CDH8: variants seen among roughly 807,000 people sequenced by gnomAD.
CDH8 encodes the protein cadherin-8.
CDH8 carries 17 observed loss-of-function variants against 68.1 expected under a neutral mutation model. That is an observed-to-expected ratio of 0.25 (90% CI 0.17 to 0.37). The LOEUF is 0.37. Ranked by LOEUF, CDH8 falls within the 10% of genes least tolerant of loss-of-function variation. The pLI is 1.00. For synonymous variants in CDH8, 372 were observed against 365.1 expected (o/e 1.02, Z -0.21); for missense variants, 763 against 999.3 (o/e 0.76, Z 3.19).
intron 8 of CDH8, among the ~76,000 whole-genome samples, chr16:61,750,127 T>C (rs1242191263): frequency 6.6e-6 from 1 of 152,110 alleles, no homozygotes. Flanking sequence ...GTGTAATCAA[T>C]GTTTACCTGC....
chr16:61,922,749 T>C (rs192770241), intron 2 of CDH8, among the ~76,000 whole-genome samples: 9 of 152,328 alleles, frequency 5.9e-5, no homozygotes, highest in Admixed American at 4.6e-4. Context: ...CTGTCAAATG[T>C]AGATTCATTC....
intron 2 of CDH8, among the ~76,000 whole-genome samples, chr16:61,917,775 T>A (rs1458720007): frequency 6.6e-6 from 1 of 152,124 alleles, no homozygotes; most frequent in Non-Finnish European, 1.5e-5. Context: ...TGAACAATTC[T>A]GGCAAGAAGT....
chr16:61,932,324 G>C (rs1173044217), intron 2 of CDH8, among the ~76,000 whole-genome samples: 1 of 151,684 alleles, frequency 6.6e-6, no homozygotes, highest in East Asian at 1.9e-4. Context: ...TAAAACAAAA[G>C]ATGAAGCATT....
At chr16:61,774,949 G>A (rs1210958833) in intron 8 of CDH8, among the ~76,000 whole-genome samples, 1 of 152,132 alleles carries the variant, frequency 6.6e-6, no homozygotes, top group East Asian at 1.9e-4. Context: ...ACAGTAGCTT[G>A]TATGCAGCAG....
In CDH8 at chr16:61,719,606, C is replaced by A. The variant is rs534888940; in HGVS notation, c.1537-5648G>T. Among the ~76,000 whole-genome samples, 4 of 151,064 alleles carry A rather than the reference C, an allele frequency of 2.6e-5. No individual in the cohort carries two copies. In the East Asian group the frequency reaches 7.8e-4, roughly 29 times the overall value. On this transcript the variant is annotated intron_variant, in intron 9 of 11. Transcript: ENST00000577390. ...TCATTTTCATTAGTAGGATAAAATT[C>A]ACAGTTTTCCACATAGCTTAGAAGA...
intron 8 of CDH8, among the ~76,000 whole-genome samples, chr16:61,753,550 A>G (rs577746817): frequency 6.6e-6 from 1 of 152,256 alleles, no homozygotes; most frequent in African/African-American, 2.4e-5. Context: ...GATACTTGAC[A>G]TTTCTAATAG....
At chr16:61,750,058 CT>C (rs984659862) in intron 8 of CDH8, among the ~76,000 whole-genome samples, 5 of 152,056 alleles carry the variant, frequency 3.3e-5, no homozygotes, top group African/African-American at 9.7e-5. Flanking sequence ...CTTTGTCCCC[CT>C]GTCTCCCTCC....
intron 7 of CDH8, among the ~76,000 whole-genome samples, chr16:61,807,640 T>C (rs2142998334): frequency 6.6e-6 from 1 of 152,234 alleles, no homozygotes; most frequent in East Asian, 1.9e-4. Context: ...AGGGGCGTGG[T>C]CAGGAGACAG....
At position 61,670,356 on chromosome 16, in the gene CDH8, T is replaced by C. The variant is rs146402066; in HGVS notation, c.1655-14635A>G. Among the ~76,000 whole-genome samples, 5 of 152,152 alleles carry C rather than the reference T, an allele frequency of 3.3e-5. No individual in the cohort carries two copies. The East Asian group carries it at 7.8e-4, about 24-fold the overall frequency. ...AGATATAATGGTGCTGTATTTATTG[T>C]TGAATAAATACATAATAGGCATAAA... On this transcript the variant is annotated intron_variant, in intron 10 of 11. Transcript: ENST00000577390.
intron 1 of CDH8, among the ~76,000 whole-genome samples, chr16:62,024,433 AT>A (rs1485148865): frequency 2.6e-5 from 4 of 152,132 alleles, no homozygotes; most frequent in Non-Finnish European, 5.9e-5. Flanking sequence ...TTTGTTGCTA[AT>A]GACTCTAGGA....
At chr16:61,747,299 G>T (rs928590569) in intron 8 of CDH8, among the ~76,000 whole-genome samples, 1 of 152,078 alleles carries the variant, frequency 6.6e-6, no homozygotes, top group African/African-American at 2.4e-5. Context: ...CGATGTACTT[G>T]CAGAGGTAAT....
chr16:61,762,632 C>G (rs371565903), intron 8 of CDH8, among the ~76,000 whole-genome samples: 1 of 152,148 alleles, frequency 6.6e-6, no homozygotes, highest in South Asian at 2.1e-4. Flanking sequence ...ATTAGGAACT[C>G]TGAAGATGGC....
chr16:61,728,373 G>C (rs543556879), intron 8 of CDH8, among the ~76,000 whole-genome samples: 1 of 150,660 alleles, frequency 6.6e-6, no homozygotes. Context: ...GAATTTAGTT[G>C]AGTGCCATGA....
intron 10 of CDH8, among the ~76,000 whole-genome samples, chr16:61,687,730 G>T (rs560154192): frequency 1.3e-5 from 2 of 152,072 alleles, no homozygotes; most frequent in African/African-American, 4.8e-5. Context: ...TCCACTAAGT[G>T]CCCTGGGCAA....
chr16:61,686,537 C>T (rs1964111612), intron 10 of CDH8, among the ~76,000 whole-genome samples: 1 of 151,942 alleles, frequency 6.6e-6, no homozygotes, highest in African/African-American at 2.4e-5. Flanking sequence ...TTAATATGTT[C>T]AGATCACTAG....
chr16:61,973,670 C>T (rs575460377), intron 2 of CDH8, among the ~76,000 whole-genome samples: 9 of 151,962 alleles, frequency 5.9e-5, no homozygotes, highest in African/African-American at 1.5e-4. Context: ...AAACCTGGAC[C>T]GAAAAGGAAA....
At chr16:61,887,360 C>G (rs1366972936) in intron 3 of CDH8, among the ~76,000 whole-genome samples, 1 of 152,194 alleles carries the variant, frequency 6.6e-6, no homozygotes, top group Non-Finnish European at 1.5e-5. Flanking sequence ...ACTAATACAG[C>G]TGCCATAACA....
intron 10 of CDH8, among the ~76,000 whole-genome samples, chr16:61,680,587 C>CT (rs753649583): frequency 5.9e-5 from 9 of 151,506 alleles, no homozygotes; most frequent in Non-Finnish European, 1.3e-4. Context: ...TTTTTTAATA[C>CT]TTATAAATCT....
chr16:61,777,884 C>T (rs1960940997), intron 8 of CDH8, among the ~76,000 whole-genome samples: 1 of 152,098 alleles, frequency 6.6e-6, no homozygotes, highest in Non-Finnish European at 1.5e-5. Context: ...ATTCCCTCCC[C>T]AGGAATCTGT....
Sources: gnomAD v4.1 joint callset for allele counts (sites outside exome capture counted in the v4.1 genomes callset) on GRCh38, gnomAD v4.1.1 for gene constraint, MANE v1.5 for transcripts, NCBI Gene and HGNC (gene_info 2026-07-23, HGNC 2026-07-21) for gene names.